The following GABRB1 variants were observed in gnomAD, a reference collection of about 807,000 sequenced individuals.
GABRB1 encodes the protein gamma-aminobutyric acid receptor subunit beta-1.
Under a neutral mutation model 51.6 loss-of-function variants are expected in GABRB1, and 17 were observed. That is an observed-to-expected ratio of 0.33 (90% CI 0.23 to 0.49). The LOEUF is 0.49. GABRB1 is among the 20% of genes least tolerant of loss of function. GABRB1 has a pLI of 0.99. For synonymous variants in GABRB1, 247 were observed against 218.9 expected, an observed-to-expected ratio of 1.13 and a Z score of -1.14; for missense variants, 410 against 600.6, an observed-to-expected ratio of 0.68 and a Z score of 3.32.
intron 4 of GABRB1, among the ~76,000 whole-genome samples, chr4:47,246,012 T>A (rs1721723043): frequency 1.3e-5 from 2 of 150,286 alleles, no homozygotes; most frequent in Non-Finnish European, 3.0e-5. Flanking sequence ...GGTGCACCCA[T>A]CATCCAAGCA....
At chr4:47,397,330 T>A (rs1271389629) in intron 5 of GABRB1, among the ~76,000 whole-genome samples, 3 of 152,232 alleles carry the variant, frequency 2.0e-5, no homozygotes, top group Non-Finnish European at 4.4e-5. Flanking sequence ...GGGTCCAAAC[T>A]GCTGTTTCAA....
chr4:47,246,337 C>CATATATATAT (rs60968247), intron 4 of GABRB1, among the ~76,000 whole-genome samples: 4 of 53,338 alleles, frequency 7.5e-5, no homozygotes, highest in African/African-American at 1.1e-4. Flanking sequence ...CACATATGTA[C>CATATATATAT]ATATATATAT....
intron 4 of GABRB1, among the ~76,000 whole-genome samples, chr4:47,319,545 G>C (rs1219255904): frequency 6.6e-6 from 1 of 152,098 alleles, no homozygotes; most frequent in Non-Finnish European, 1.5e-5. Flanking sequence ...ATCCCACTGG[G>C]TCATGGTGTA....
chr4:47,294,834 G>A (rs1358207987), intron 4 of GABRB1, among the ~76,000 whole-genome samples: 3 of 152,214 alleles, frequency 2.0e-5, no homozygotes, highest in African/African-American at 7.2e-5. Context: ...TGACCCCCGA[G>A]CAGCCTAACT....
chr4:47,028,773 T>A (rs761781393), upstream of GABRB1, among the ~76,000 whole-genome samples: 129 of 149,250 alleles, frequency 8.6e-4, 2 homozygotes, highest in Admixed American at 3.3e-3. Flanking sequence ...CACATACATA[T>A]ACACCATATA....
chr4:47,176,260 T>A (rs752676737), intron 4 of GABRB1, among the ~76,000 whole-genome samples: 1 of 152,120 alleles, frequency 6.6e-6, no homozygotes, highest in Non-Finnish European at 1.5e-5. Context: ...TTGCATTTCA[T>A]CTAGAATGGT....
intron 3 of GABRB1, among the ~76,000 whole-genome samples, chr4:47,057,764 C>T (rs1003790778): frequency 6.6e-6 from 1 of 152,184 alleles, no homozygotes; most frequent in Non-Finnish European, 1.5e-5. Context: ...TGTGAAAATA[C>T]GGACTGCAAT....
chr4:47,159,041 C>T lies in GABRB1; in HGVS notation c.241-2208C>T, dbSNP rs140257127. On this transcript the variant is annotated intron_variant, in intron 3 of 8. Transcript: ENST00000295454. ...CTTGTAATCCCAGTACTTTGGGAGG[C>T]TGAGGCCAGAGGAGCAGTTGAGGCC... 4.9e-3 allele frequency among the ~76,000 whole-genome samples: 751 copies of T among 151,796 alleles called. 3 individuals are homozygous for T. Among genetic ancestry groups the T allele is most frequent in the Non-Finnish European group, 8.0e-3 (547 of 67,958 alleles).
intron 5 of GABRB1, among the ~76,000 whole-genome samples, chr4:47,402,432 G>A (rs1193222980): frequency 6.7e-6 from 1 of 149,948 alleles, no homozygotes; most frequent in Non-Finnish European, 1.5e-5. Flanking sequence ...GTCTCTAGCT[G>A]GTAGAGAAAA....
At chr4:47,007,559 T>C (rs929443600) in intron 1 of GABRB1, among the ~76,000 whole-genome samples, 4 of 152,190 alleles carry the variant, frequency 2.6e-5, no homozygotes, top group African/African-American at 7.2e-5. Flanking sequence ...GCAGAGTATA[T>C]ATATTCTTTT....
At chr4:47,260,210 C>T (rs946188176) in intron 4 of GABRB1, among the ~76,000 whole-genome samples, 3 of 151,918 alleles carry the variant, frequency 2.0e-5, no homozygotes, top group Non-Finnish European at 4.4e-5. Flanking sequence ...TATTTTGAGC[C>T]TATGTGTGTC....
chr4:47,158,811 GA>G (rs1717812187), intron 3 of GABRB1, among the ~76,000 whole-genome samples: 1 of 151,952 alleles, frequency 6.6e-6, no homozygotes, highest in Non-Finnish European at 1.5e-5. Context: ...AAATGCTTAT[GA>G]AAATGAGCAT....
intron 4 of GABRB1, among the ~76,000 whole-genome samples, chr4:47,210,202 A>C (rs1720300562): frequency 6.6e-6 from 1 of 152,132 alleles, no homozygotes; most frequent in Non-Finnish European, 1.5e-5. Context: ...TCTGAGAAAT[A>C]ATATATATTA....
intron 3 of GABRB1, among the ~76,000 whole-genome samples, chr4:47,136,601 C>A (rs1053322410): frequency 6.6e-6 from 1 of 151,934 alleles, no homozygotes; most frequent in South Asian, 2.1e-4. Flanking sequence ...AGTAGTTTAG[C>A]TGAAACTATA....
chr4:47,369,835 A>C (rs1318463093), intron 5 of GABRB1, among the ~76,000 whole-genome samples: 2 of 152,326 alleles, frequency 1.3e-5, no homozygotes, highest in Non-Finnish European at 2.9e-5. Context: ...ATAAAATGGC[A>C]GTAGAAAAAA....
intron 4 of GABRB1, among the ~76,000 whole-genome samples, chr4:47,245,629 A>G (rs997162310): frequency 6.6e-6 from 1 of 152,102 alleles, no homozygotes; most frequent in African/African-American, 2.4e-5. Flanking sequence ...CCCAATAGGA[A>G]GCTACAGTGT....
At chr4:47,265,267 G>C (rs2109885071) in intron 4 of GABRB1, among the ~76,000 whole-genome samples, 1 of 152,126 alleles carries the variant, frequency 6.6e-6, no homozygotes, top group South Asian at 2.1e-4. Flanking sequence ...CCATATTGCT[G>C]AAAGACATAT....
intron 5 of GABRB1, among the ~76,000 whole-genome samples, chr4:47,367,688 C>A (rs1365531234): frequency 6.6e-6 from 1 of 152,218 alleles, no homozygotes; most frequent in African/African-American, 2.4e-5. Context: ...CAATGTTCAT[C>A]TTATCACATT....
intron 1 of GABRB1, among the ~76,000 whole-genome samples, chr4:46,998,812 T>G (rs1222541262): frequency 6.6e-6 from 1 of 151,810 alleles, no homozygotes; most frequent in African/African-American, 2.4e-5. Flanking sequence ...AATAACTACT[T>G]TTAGGCTCAA....
Sources: allele counts gnomAD v4.1 joint callset (sites outside exome capture counted in the v4.1 genomes callset), GRCh38; gene constraint gnomAD v4.1.1; transcripts MANE v1.5; gene names NCBI Gene and HGNC (gene_info 2026-07-23, HGNC 2026-07-21).